The following ITFG1 variants were observed in gnomAD, a reference collection of about 807,000 sequenced individuals.
The protein encoded by ITFG1 is T-cell immunomodulatory protein.
In ITFG1, 34 loss-of-function variants were observed where a neutral mutation model predicts 81.8. The observed-to-expected ratio is 0.42, with a 90% CI of 0.32 to 0.55. The LOEUF is 0.55. Among genes scored for constraint, ITFG1 ranks in the 20% least tolerant of loss-of-function variants. The probability of loss-of-function intolerance (pLI) is 0.17; values close to 1 mark genes in which losing one functional copy is unlikely to be tolerated. For missense variants in ITFG1, 672 were observed against 755.4 expected, an observed-to-expected ratio of 0.89 and a Z score of 1.29; for synonymous variants, 285 against 270.6, an observed-to-expected ratio of 1.05 and a Z score of -0.52.
chr16:47,311,639 C>T (rs1384330376), intron 9 of ITFG1, among the ~76,000 whole-genome samples: 1 of 151,900 alleles, frequency 6.6e-6, no homozygotes, highest in Admixed American at 6.6e-5. Flanking sequence ...TTTGTCTGAA[C>T]TGGCACAGAA....
intron 15 of ITFG1, 106 bp downstream of exon 15, chr16:47,162,434 T>C (rs1964821365): frequency 1.0e-5 from 10 of 997,056 alleles, no homozygotes; most frequent in Admixed American, 6.3e-5. Context: ...AAATATTTGG[T>C]TTATTTGAAT....
intron 8 of ITFG1, among the ~76,000 whole-genome samples, chr16:47,332,170 G>C (rs1967645577): frequency 6.6e-6 from 1 of 151,152 alleles, no homozygotes; most frequent in Non-Finnish European, 1.5e-5. Context: ...TTGTGCACAG[G>C]TACCCTAAAA....
At chr16:47,412,190 G>C (rs1476814730) in intron 6 of ITFG1, among the ~76,000 whole-genome samples, 2 of 152,152 alleles carry the variant, frequency 1.3e-5, no homozygotes, top group Non-Finnish European at 2.9e-5. Flanking sequence ...CAGAACTCTG[G>C]TAATTCAGTC....
intron 6 of ITFG1, among the ~76,000 whole-genome samples, chr16:47,393,157 T>C (rs948531108): frequency 1.3e-5 from 2 of 152,188 alleles, no homozygotes; most frequent in African/African-American, 4.8e-5. Context: ...TTAGGGCAAC[T>C]AGAACTTAGA....
intron 8 of ITFG1, among the ~76,000 whole-genome samples, chr16:47,331,829 T>C (rs1424043869): frequency 1.3e-5 from 2 of 152,236 alleles, no homozygotes; most frequent in African/African-American, 4.8e-5. Flanking sequence ...GTACGATCTA[T>C]GAGCTAATTA....
chr16:47,165,211 GTTAATTAATATATAAATA>G (rs1461912638), intron 14 of ITFG1, among the ~76,000 whole-genome samples: 1 of 152,044 alleles, frequency 6.6e-6, no homozygotes, highest in Non-Finnish European at 1.5e-5. Context: ...AAATGACAAA[GTTAATTAATATATAAATA>G]TTTTAATATT....
intron 10 of ITFG1, among the ~76,000 whole-genome samples, chr16:47,270,103 G>A (rs951864150): frequency 2.6e-5 from 4 of 152,108 alleles, no homozygotes; most frequent in Non-Finnish European, 5.9e-5. Flanking sequence ...GACCTAAATT[G>A]TAAAATCCAG....
At chr16:47,286,803 T>G (rs963763589) in intron 10 of ITFG1, among the ~76,000 whole-genome samples, 1 of 152,140 alleles carries the variant, frequency 6.6e-6, no homozygotes, top group Non-Finnish European at 1.5e-5. Context: ...TTTGATACAT[T>G]ATACAGTTTA....
chr16:47,230,279 AAG>A (rs1440707086), intron 13 of ITFG1, among the ~76,000 whole-genome samples: 1 of 152,180 alleles, frequency 6.6e-6, no homozygotes, highest in Non-Finnish European at 1.5e-5. Flanking sequence ...GCTGGGAAGA[AAG>A]AGCAGGAAGG....
At chr16:47,399,074 G>A (rs1212880230) in intron 6 of ITFG1, among the ~76,000 whole-genome samples, 3 of 152,188 alleles carry the variant, frequency 2.0e-5, no homozygotes, top group Non-Finnish European at 4.4e-5. Context: ...CAGAGAGATT[G>A]CAGAGTATAA....
At chr16:47,373,898 T>A (rs1369207588) in intron 7 of ITFG1, among the ~76,000 whole-genome samples, 1 of 152,364 alleles carries the variant, frequency 6.6e-6, no homozygotes, top group South Asian at 2.1e-4. Context: ...CAATCTCTAA[T>A]TGAAAATGAT....
chr16:47,371,245 C>T (rs1187399820), intron 7 of ITFG1, among the ~76,000 whole-genome samples: 2 of 152,212 alleles, frequency 1.3e-5, no homozygotes, highest in Admixed American at 1.3e-4. Context: ...ATAAGTTAGT[C>T]CTTCTTTAAG....
At chr16:47,302,656 C>A (rs1967094191) in intron 10 of ITFG1, among the ~76,000 whole-genome samples, 1 of 152,164 alleles carries the variant, frequency 6.6e-6, no homozygotes, top group African/African-American at 2.4e-5. Flanking sequence ...ATAAATAAAG[C>A]CTAATTTAAT....
chr16:47,228,383 A>G (rs541303594), intron 13 of ITFG1, among the ~76,000 whole-genome samples: 1 of 152,330 alleles, frequency 6.6e-6, no homozygotes, highest in South Asian at 2.1e-4. Context: ...TTTTTTAGAC[A>G]AGGTCTCACC....
At chr16:47,290,156 GT>G (rs1966889851) in intron 10 of ITFG1, among the ~76,000 whole-genome samples, 1 of 152,030 alleles carries the variant, frequency 6.6e-6, no homozygotes, top group Non-Finnish European at 1.5e-5. Context: ...CAGATTTCTA[GT>G]TTTGTTGCAT....
intron 8 of ITFG1, among the ~76,000 whole-genome samples, chr16:47,341,088 A>G (rs1967775521): frequency 6.6e-6 from 1 of 152,028 alleles, no homozygotes; most frequent in Non-Finnish European, 1.5e-5. Flanking sequence ...CTAAACAACC[A>G]ATGGGTCAAA....
At chr16:47,434,467 A>G (rs1472237636) in intron 5 of ITFG1, among the ~76,000 whole-genome samples, 1 of 152,218 alleles carries the variant, frequency 6.6e-6, no homozygotes, top group South Asian at 2.1e-4. Flanking sequence ...ATCACTGATC[A>G]TTAGAGAAAT....
At chr16:47,421,697 A>G (rs1968952250) in intron 6 of ITFG1, among the ~76,000 whole-genome samples, 1 of 152,158 alleles carries the variant, frequency 6.6e-6, no homozygotes. Context: ...TTAAAATTAT[A>G]CTTTAAGTTC....
chr16:47,307,045 G>C (rs1967174070), intron 10 of ITFG1, among the ~76,000 whole-genome samples: 1 of 115,508 alleles, frequency 8.7e-6, no homozygotes, highest in African/African-American at 3.3e-5. Context: ...AGTATGTGGA[G>C]ATTGCGCCAC....
Sources: gnomAD v4.1 joint callset for allele counts (sites outside exome capture counted in the v4.1 genomes callset) on GRCh38, gnomAD v4.1.1 for gene constraint, MANE v1.5 for transcripts, NCBI Gene and HGNC (gene_info 2026-07-23, HGNC 2026-07-21) for gene names.